ZNF385D: variants seen among roughly 807,000 people sequenced by gnomAD.
ZNF385D encodes the protein zinc finger protein 659.
In ZNF385D, 15 loss-of-function variants were observed where a neutral mutation model predicts 35.8. That is an observed-to-expected ratio of 0.42 (90% CI 0.28 to 0.64). The LOEUF is 0.64. ZNF385D is among the 30% of genes least tolerant of loss of function. The probability of loss-of-function intolerance (pLI) is 0.23; values close to 1 mark genes in which losing one functional copy is unlikely to be tolerated. For missense variants in ZNF385D, 474 were observed against 494.6 expected (o/e 0.96, Z 0.39); for synonymous variants, 212 against 186.8 (o/e 1.13, Z -1.10).
At chr3:21,617,927 A>G (rs995750085) in intron 2 of ZNF385D, among the ~76,000 whole-genome samples, 5 of 152,146 alleles carry the variant, frequency 3.3e-5, no homozygotes, top group Admixed American at 1.3e-4. Context: ...AACCCCTTCC[A>G]GTTCTCCATT....
intron 2 of ZNF385D, among the ~76,000 whole-genome samples, chr3:22,317,188 A>G (rs977458793): frequency 2.0e-5 from 3 of 147,406 alleles, no homozygotes; most frequent in African/African-American, 7.5e-5. Context: ...GGGGCAGAAG[A>G]ATCACTTGAA....
chr3:22,058,489 T>C (rs1699525673), intron 3 of ZNF385D, among the ~76,000 whole-genome samples: 2 of 152,152 alleles, frequency 1.3e-5, no homozygotes, highest in African/African-American at 4.8e-5. Flanking sequence ...ATAATGGCTA[T>C]CACACAAAGT....
At chr3:21,727,754 G>A (rs533452038) in intron 1 of ZNF385D, among the ~76,000 whole-genome samples, 2 of 152,236 alleles carry the variant, frequency 1.3e-5, no homozygotes, top group East Asian at 3.9e-4. Flanking sequence ...AAAACAGTGT[G>A]ACAATTCCTC....
intron 3 of ZNF385D, among the ~76,000 whole-genome samples, chr3:21,761,323 TG>T (rs1248259404): frequency 2.1e-4 from 32 of 152,374 alleles, no homozygotes; most frequent in African/African-American, 7.5e-4. Context: ...CCTTTATTGT[TG>T]TTTTAGACCT....
chr3:22,228,711 A>C (rs911113130), intron 2 of ZNF385D, among the ~76,000 whole-genome samples: 37 of 152,158 alleles, frequency 2.4e-4, no homozygotes, highest in Admixed American at 2.1e-3. Flanking sequence ...GAGCCAGTGG[A>C]CTGGGAGTGG....
chr3:22,229,425 C>G lies in ZNF385D; in HGVS notation c.107-60390G>C, dbSNP rs376392999. Among the ~76,000 whole-genome samples, 14 of 152,218 alleles carry G rather than the reference C, an allele frequency of 9.2e-5. 1 individual carries two copies. In the South Asian group the frequency reaches 2.9e-3, roughly 32 times the overall value. The stretch of plus-strand genomic sequence containing the variant: ...TTTTCAGCATTCAGTGAGGGGGACC[C>G]TTGTTGGCTGAAACTCAGGCACTCC... On this transcript the variant is annotated intron_variant, in intron 2 of 5. Coordinates refer to the ZNF385D transcript ENST00000494108.
At chr3:21,679,000 C>A (rs2066814593) in intron 1 of ZNF385D, among the ~76,000 whole-genome samples, 1 of 151,900 alleles carries the variant, frequency 6.6e-6, no homozygotes, top group South Asian at 2.1e-4. Context: ...AAAGGCCCTG[C>A]CACCCACCCC....
chr3:21,895,684 ATAAAG>A (rs1165459864), intron 3 of ZNF385D, among the ~76,000 whole-genome samples: 3 of 151,980 alleles, frequency 2.0e-5, no homozygotes, highest in South Asian at 4.1e-4. Flanking sequence ...TTTGGGGAAA[ATAAAG>A]TATAGTGGCA....
chr3:21,849,640 C>T (rs1471053127), intron 3 of ZNF385D: 1 of 63,480 alleles, frequency 1.6e-5, no homozygotes, highest in Admixed American at 1.7e-4. Flanking sequence ...ACCACCATCG[C>T]TCTACACATC....
At chr3:21,811,591 A>G (rs1467475150) in intron 3 of ZNF385D, among the ~76,000 whole-genome samples, 1 of 152,230 alleles carries the variant, frequency 6.6e-6, no homozygotes, top group East Asian at 1.9e-4. Context: ...ATGTATGGCG[A>G]TAACTAACTT....
intron 2 of ZNF385D, among the ~76,000 whole-genome samples, chr3:21,565,269 T>TG (rs886354706): frequency 2.0e-5 from 3 of 152,082 alleles, no homozygotes; most frequent in Non-Finnish European, 2.9e-5. Flanking sequence ...GTGGACTTAT[T>TG]GGGGGGTGCC....
intron 3 of ZNF385D, among the ~76,000 whole-genome samples, chr3:22,093,365 A>G (rs1701430326): frequency 6.6e-6 from 1 of 151,790 alleles, no homozygotes; most frequent in Non-Finnish European, 1.5e-5. Flanking sequence ...AAATACATAT[A>G]AAATATAGTT....
chr3:22,043,734 G>C (rs373839778), intron 3 of ZNF385D, among the ~76,000 whole-genome samples: 3 of 151,302 alleles, frequency 2.0e-5, no homozygotes, highest in Non-Finnish European at 4.4e-5. Flanking sequence ...GCTGGACCTA[G>C]AGATTTGCTT....
chr3:21,983,174 TTTA>T (rs1694601309), intron 3 of ZNF385D, among the ~76,000 whole-genome samples: 2 of 148,106 alleles, frequency 1.4e-5, no homozygotes, highest in Non-Finnish European at 3.0e-5. Context: ...ATTATTTTTT[TTTA>T]TTATACTTTA....
At position 22,343,268 on chromosome 3, in the gene ZNF385D, A is replaced by G. The variant is rs911312233; in HGVS notation, c.106+29182T>C. Reference sequence around the variant, plus strand: ...TGTCTTTGAAATCACTCACTAAACAAAACAAAACAACCCAGCAATGATTTT... The same window carrying G: ...TGTCTTTGAAATCACTCACTAAACAGAACAAAACAACCCAGCAATGATTTT... On this transcript the variant is annotated intron_variant, in intron 2 of 5. Transcript: ENST00000494108. Among the ~76,000 whole-genome samples the G allele has an allele frequency of 9.2e-5, 14 of 152,338 alleles. No individual in the cohort carries two copies. In the South Asian group the frequency reaches 2.9e-3, roughly 32 times the overall value.
intron 3 of ZNF385D, among the ~76,000 whole-genome samples, chr3:21,924,784 G>A (rs779421940): frequency 6.6e-6 from 1 of 152,022 alleles, no homozygotes; most frequent in Non-Finnish European, 1.5e-5. Context: ...ATAGTAAGGA[G>A]CCAGAACTCC....
chr3:21,845,865 G>A (rs1695973974), intron 3 of ZNF385D, among the ~76,000 whole-genome samples: 1 of 151,872 alleles, frequency 6.6e-6, no homozygotes. Flanking sequence ...GCCTGAATAT[G>A]GAAAAATATT....
At chr3:22,036,908 C>T (rs113156794) in intron 3 of ZNF385D, among the ~76,000 whole-genome samples, 13,661 of 141,748 alleles carry the variant, frequency 0.096, 767 homozygotes, top group East Asian at 0.15. Context: ...TTCCCCTTCC[C>T]GTGTCCATGT....
At chr3:22,043,274 T>C (rs946992807) in intron 3 of ZNF385D, among the ~76,000 whole-genome samples, 2 of 152,118 alleles carry the variant, frequency 1.3e-5, no homozygotes, top group African/African-American at 4.8e-5. Context: ...TTGAAAACAA[T>C]GTATGGTTCA....
Sources: allele counts gnomAD v4.1 joint callset (sites outside exome capture counted in the v4.1 genomes callset), GRCh38; gene constraint gnomAD v4.1.1; transcripts MANE v1.5; gene names NCBI Gene and HGNC (gene_info 2026-07-23, HGNC 2026-07-21).